Variants in EPHA3 observed in about 807,000 individuals in gnomAD.
EPHA3 encodes the protein ephrin type-A receptor 3.
EPHA3 carries 42 observed loss-of-function variants against 107.1 expected under a neutral mutation model. The ratio of observed to expected loss-of-function variants is 0.39; its 90% CI spans 0.31 to 0.51. EPHA3 has a LOEUF of 0.51. Ranked by LOEUF, EPHA3 falls within the 20% of genes least tolerant of loss-of-function variation. EPHA3 has a pLI of 0.78. For missense variants in EPHA3, 1,183 were observed against 1,211.2 expected (o/e 0.98, Z 0.35); for synonymous variants, 461 against 424.8 (o/e 1.09, Z -1.05).
chr3:89,166,084 C>T (rs377505605), intron 2 of EPHA3, among the ~76,000 whole-genome samples: 8 of 152,248 alleles, frequency 5.3e-5, no homozygotes, highest in South Asian at 4.1e-4. Context: ...TCCAGATTCC[C>T]GGCTCTTCAC....
chr3:89,211,790 T>C (rs879341612), intron 3 of EPHA3, among the ~76,000 whole-genome samples: 3,790 of 123,160 alleles, frequency 0.031, 99 homozygotes, highest in South Asian at 0.052. Flanking sequence ...TTCTTCTTCT[T>C]CTTCTTCTTC....
At chr3:89,233,763 G>A (rs1270576029) in intron 3 of EPHA3, among the ~76,000 whole-genome samples, 1 of 152,190 alleles carries the variant, frequency 6.6e-6, no homozygotes, top group African/African-American at 2.4e-5. Flanking sequence ...TTGTCAGCTG[G>A]AGTGTATGTT....
At chr3:89,336,323 A>AAC (rs371349061) in intron 3 of EPHA3, among the ~76,000 whole-genome samples, 3 of 151,984 alleles carry the variant, frequency 2.0e-5, no homozygotes, top group Admixed American at 6.6e-5. Flanking sequence ...AAGCAAAGAT[A>AAC]ACACACACAC....
intron 5 of EPHA3, among the ~76,000 whole-genome samples, chr3:89,374,188 A>G (rs1380012542): frequency 1.3e-5 from 2 of 151,884 alleles, no homozygotes; most frequent in African/African-American, 4.8e-5. Context: ...TACACCAAGT[A>G]TACCACATAC....
At chr3:89,460,987 C>A (rs1262493557) in intron 15 of EPHA3, among the ~76,000 whole-genome samples, 2 of 118,198 alleles carry the variant, frequency 1.7e-5, no homozygotes, top group African/African-American at 3.4e-5. Flanking sequence ...TCCCCCGACC[C>A]CACCACAGTC....
At chr3:89,327,924 C>A (rs1251736523) in intron 3 of EPHA3, among the ~76,000 whole-genome samples, 1 of 151,782 alleles carries the variant, frequency 6.6e-6, no homozygotes, top group African/African-American at 2.4e-5. Flanking sequence ...ATGGTGGAAC[C>A]CCATCTCCAC....
At chr3:89,354,393 T>C (rs890031074) in intron 5 of EPHA3, among the ~76,000 whole-genome samples, 12 of 151,256 alleles carry the variant, frequency 7.9e-5, no homozygotes, top group African/African-American at 2.7e-4. Context: ...CCCAAAGTGT[T>C]ATCTCAGTGT....
chr3:89,457,913 T>C (rs779427775), intron 15 of EPHA3, among the ~76,000 whole-genome samples: 3 of 152,114 alleles, frequency 2.0e-5, no homozygotes, highest in African/African-American at 7.2e-5. Flanking sequence ...ACATAGTGAC[T>C]GAGATGTGCA....
At chr3:89,127,438 A>T (rs1343547398) in intron 2 of EPHA3, among the ~76,000 whole-genome samples, 165 bp downstream of exon 2, 10 of 151,996 alleles carry the variant, frequency 6.6e-5, no homozygotes, top group Admixed American at 6.6e-4. Context: ...ATTTGTGTCC[A>T]ATGGAGCTAG....
chr3:89,190,370 G>C (rs769574550), intron 2 of EPHA3, among the ~76,000 whole-genome samples: 84 of 152,096 alleles, frequency 5.5e-4, no homozygotes, highest in Non-Finnish European at 1.9e-4. Context: ...AGTCATTTCA[G>C]AGAACAATAT....
At chr3:89,446,558 T>A (rs1465661558) in intron 13 of EPHA3, among the ~76,000 whole-genome samples, 2 of 152,198 alleles carry the variant, frequency 1.3e-5, no homozygotes, top group African/African-American at 4.8e-5. Context: ...TTCTCTTTCA[T>A]GGCTGTCATC....
intron 15 of EPHA3, among the ~76,000 whole-genome samples, chr3:89,467,929 A>C (rs546406467): frequency 6.6e-6 from 1 of 152,286 alleles, no homozygotes; most frequent in East Asian, 1.9e-4. Flanking sequence ...AACCTATCTA[A>C]TTTGTCTAGT....
At chr3:89,204,011 C>A (rs1365501967) in intron 2 of EPHA3, among the ~76,000 whole-genome samples, 2 of 152,028 alleles carry the variant, frequency 1.3e-5, no homozygotes, top group African/African-American at 4.8e-5. Context: ...CCTTTAATAG[C>A]CTGTATCTTG....
intron 3 of EPHA3, among the ~76,000 whole-genome samples, chr3:89,257,699 G>A (rs1394267548): frequency 2.0e-5 from 2 of 101,700 alleles, no homozygotes; most frequent in Admixed American, 1.8e-4. Flanking sequence ...AATGACAGTA[G>A]TAATACAAAT....
chr3:89,225,876 A>C (rs1704489588), intron 3 of EPHA3, among the ~76,000 whole-genome samples: 1 of 152,156 alleles, frequency 6.6e-6, no homozygotes. Context: ...GATAACATAC[A>C]CACGTGTTCA....
At chr3:89,440,294 T>C (rs1709758967) in intron 13 of EPHA3, among the ~76,000 whole-genome samples, 1 of 152,206 alleles carries the variant, frequency 6.6e-6, no homozygotes. Context: ...AATACTCAAT[T>C]ACTTGGGTTT....
intron 3 of EPHA3, among the ~76,000 whole-genome samples, chr3:89,254,266 A>AT (rs1470692746): frequency 6.6e-6 from 1 of 152,164 alleles, no homozygotes; most frequent in East Asian, 1.9e-4. Flanking sequence ...GGCAGACCTA[A>AT]TACATGCCTG....
intron 13 of EPHA3, among the ~76,000 whole-genome samples, chr3:89,440,493 C>T (rs1709762109): frequency 6.6e-6 from 1 of 152,300 alleles, no homozygotes; most frequent in South Asian, 2.1e-4. Context: ...TCAGCAATTA[C>T]ACTCCTTCTC....
At chr3:89,109,360 T>A (rs1456827525) in intron 1 of EPHA3, among the ~76,000 whole-genome samples, 1 of 152,068 alleles carries the variant, frequency 6.6e-6, no homozygotes, top group East Asian at 1.9e-4. Context: ...AGGTAACATA[T>A]CAATAAATTA....
Sources: gnomAD v4.1 joint callset for allele counts (sites outside exome capture counted in the v4.1 genomes callset) on GRCh38, gnomAD v4.1.1 for gene constraint, MANE v1.5 for transcripts, NCBI Gene and HGNC (gene_info 2026-07-23, HGNC 2026-07-21) for gene names.